NET1: variants seen among roughly 807,000 people sequenced by gnomAD.
NET1 encodes the protein neuroepithelial cell-transforming gene 1 protein.
In NET1, 42 loss-of-function variants were observed where a neutral mutation model predicts 61.1. The ratio of observed to expected loss-of-function variants is 0.69; its 90% CI spans 0.54 to 0.89. The LOEUF (loss-of-function observed/expected upper bound fraction) is 0.89, where lower values mean the gene tolerates loss of function less well. Among genes scored for constraint, NET1 ranks in the 40% least tolerant of loss-of-function variants. The probability of loss-of-function intolerance (pLI) is 0.00; values close to 1 mark genes in which losing one functional copy is unlikely to be tolerated. For missense variants in NET1, 654 were observed against 747.3 expected (o/e 0.88, Z 1.46); for synonymous variants, 254 against 281.8 (o/e 0.90, Z 0.99).
intron 1 of NET1, among the ~76,000 whole-genome samples, chr10:5,425,946 AAC>A (rs1379429580): frequency 2.6e-5 from 4 of 152,200 alleles, no homozygotes; most frequent in African/African-American, 9.6e-5. Flanking sequence ...ATATTTTATA[AAC>A]ACAGAGGTTT....
At position 5,455,258 on chromosome 10, in the gene NET1, A is replaced by G; in HGVS notation, c.1197+140A>G. The G allele has an allele frequency of 1.5e-6, 1 of 663,150 alleles. No homozygotes were observed. The highest frequency in any genetic ancestry group is 2.6e-6 in the Non-Finnish European group (1 of 390,324). 41.1% of individuals were successfully genotyped at this position (663,150 alleles called of 1,614,324 possible). ...TTGCCAATTTTAATTTTATATTACC[A>G]GCTTGATAAAGCCAACAAAGAAGAT... On this transcript the variant is annotated intron_variant, in intron 10 of 11. Transcript: ENST00000355029. The surrounding 1 kb of genome is among the most constrained non-coding windows in gnomAD (Gnocchi z 6.5).
Position 5,427,759 on chromosome 10 carries a change from G to A in NET1, c.195+1038G>A, listed in dbSNP as rs1832280410. Among the ~76,000 whole-genome samples the A allele has an allele frequency of 6.6e-6, 1 of 152,074 alleles. No homozygotes were observed. Among genetic ancestry groups the A allele is most frequent in the Non-Finnish European group, 1.5e-5 (1 of 68,008 alleles). On this transcript the variant is annotated intron_variant, in intron 2 of 11. Coordinates refer to ENST00000355029, the MANE Select transcript of NET1 (RefSeq NM_001047160.3). This position sits in a 1 kb window ranked among gnomAD's most constrained non-coding sequence, Gnocchi z 4.1. ...AAACAGTGTGTTATAATTTTGCTCT[G>A]CTGCTTTGAGCATTTCCTCCTGGTG...
rs1430517094 is a variant in NET1 at position 5,440,171 on chromosome 10, G to T, written c.255+10942G>T. 6.6e-6 allele frequency among the ~76,000 whole-genome samples: 1 copy of T among 152,340 alleles called. No individual in the cohort carries two copies. The highest frequency in any genetic ancestry group is 2.1e-4 in the South Asian group (1 of 4,830). On this transcript the variant is annotated intron_variant, in intron 3 of 11. Coordinates refer to ENST00000355029, the MANE Select transcript of NET1 (RefSeq NM_001047160.3). This position sits in a 1 kb window ranked among gnomAD's most constrained non-coding sequence, Gnocchi z 4.1. Reference sequence around the variant, plus strand: ...ATAATGTTATTAATACAGTGGGCCTGTATGATGTTCTGTGAAATATCCGGT... The same window carrying T: ...ATAATGTTATTAATACAGTGGGCCTTTATGATGTTCTGTGAAATATCCGGT...
At position 5,456,712 on chromosome 10, in the gene NET1, C is replaced by T; in HGVS notation, c.1509C>T (p.Phe503=). ...GTATTCGAGCGGCCATTGCCCCCTT[C>T]CAGTCGGCAGGCAGTCCACCTGAGC... ...FNCIRAAIAP[F]QSAGSPPELQ... is the part of the protein sequence containing the mutation. The change falls in exon 12 of 12, where the codon TTC becomes TTT. Residue 503 remains phenylalanine (F), a synonymous_variant. Transcript: ENST00000355029. The surrounding 1 kb of genome is among the most constrained non-coding windows in gnomAD (Gnocchi z 7.0). 6.2e-7 allele frequency: 1 copy of T among 1,614,196 alleles called. No homozygotes were observed. Among genetic ancestry groups the T allele is most frequent in the Non-Finnish European group, 8.5e-7 (1 of 1,180,026 alleles).
chr10:5,430,678 C>G (rs1832334655), intron 3 of NET1, among the ~76,000 whole-genome samples: 1 of 151,828 alleles, frequency 6.6e-6, no homozygotes, highest in Non-Finnish European at 1.5e-5. Flanking sequence ...TTTTTAAAAA[C>G]ATAATAAAAT....
intron 3 of NET1, among the ~76,000 whole-genome samples, chr10:5,450,358 G>A (rs1454218593): frequency 6.6e-6 from 1 of 151,600 alleles, no homozygotes; most frequent in African/African-American, 2.4e-5. Flanking sequence ...TGTTTCTTTG[G>A]ATATTCAAAT....
At chr10:5,419,864 GT>G (rs1832143246) in intron 1 of NET1, among the ~76,000 whole-genome samples, 2 of 145,724 alleles carry the variant, frequency 1.4e-5, no homozygotes, top group Admixed American at 1.4e-4. Flanking sequence ...GTCTTCCATT[GT>G]TTCTGTTAAG....
Position 5,454,194 on chromosome 10 carries a change from T to C in NET1, c.769-71T>C, listed in dbSNP as rs1832758106. 1 of 1,468,868 alleles carries C rather than the reference T, an allele frequency of 6.8e-7. No homozygotes were observed. The highest frequency in any genetic ancestry group is 2.2e-5 in the Admixed American group (1 of 45,760). 91.0% of individuals were successfully genotyped at this position (1,468,868 alleles called of 1,614,324 possible). ...GAATAGCTGTACATTTTGTGTTTCA[T>C]GTTTGCAGGCTTGTTAATGCACTCG... On this transcript the variant is annotated intron_variant, in intron 8 of 11. Coordinates refer to ENST00000355029, the MANE Select transcript of NET1 (RefSeq NM_001047160.3). This position sits in a 1 kb window ranked among gnomAD's most constrained non-coding sequence, Gnocchi z 8.1.
rs1564462808 is a variant in NET1 at position 5,436,244 on chromosome 10, ATATATTTTTT to A, written c.255+7017_255+7026del. Among the ~76,000 whole-genome samples, 10 of 22,460 alleles carry A rather than the reference ATATATTTTTT, an allele frequency of 4.5e-4. 1 individual carries two copies. Among genetic ancestry groups the A allele is most frequent in the Admixed American group, 3.7e-3 (5 of 1,350 alleles). The allele number at this position is 22,460 out of a possible 152,430, so 14.7% of individuals were successfully genotyped here. A position where few individuals can be genotyped will look rare whatever the true frequency, so the allele number is the denominator to read the frequency against. On this transcript the variant is annotated intron_variant, in intron 3 of 11. Transcript: ENST00000355029. Reference sequence around the variant, plus strand: ...TGTGTGCATATATATATATATATATATATATTTTTTTTTTTTTTTTTTTTTTTTTTTAATG... The same window carrying A: ...TGTGTGCATATATATATATATATATATTTTTTTTTTTTTTTTTTTTTAATG...
chr10:5,428,038 C>CTTTTTTTTTT (rs57698527), intron 2 of NET1, among the ~76,000 whole-genome samples: 5 of 113,904 alleles, frequency 4.4e-5, no homozygotes, highest in African/African-American at 1.7e-4. Context: ...TTTGCCGTTC[C>CTTTTTTTTTT]TTTTTTTTTT....
rs2119223009 is a variant in NET1 at position 5,458,523 on chromosome 10, T to A, written c.*1529T>A. On this transcript the variant is annotated 3_prime_UTR_variant, in exon 12 of 12. Transcript: ENST00000355029. This position sits in a 1 kb window ranked among gnomAD's most constrained non-coding sequence, Gnocchi z 4.5. ...GGGGGCATTTGGCAAAATATGCTGG[T>A]GTGGCAAAGGAGGTAGTGGTAAGCC... The A allele has an allele frequency of 6.6e-6, 1 of 152,548 alleles. No homozygotes were observed. The highest frequency in any genetic ancestry group is 2.1e-4 in the South Asian group (1 of 4,816). 9.4% of individuals were successfully genotyped at this position (152,548 alleles called of 1,614,324 possible).
rs951758821 is a variant in NET1, at chr10:5,422,778, C to T, written c.129-3877C>T. ...GTCAGAAGTGGAAGAAGAGACAACT[C>T]CTTAATAGCAAAGATGCTGAACAGC... is the stretch of plus-strand genomic sequence containing the variant. On this transcript the variant is annotated intron_variant, in intron 1 of 11. Coordinates refer to ENST00000355029, the MANE Select transcript of NET1 (RefSeq NM_001047160.3). The surrounding 1 kb of genome is among the most constrained non-coding windows in gnomAD (Gnocchi z 4.1). Among the ~76,000 whole-genome samples the T allele has an allele frequency of 1.3e-5, 2 of 152,172 alleles. No individual in the cohort carries two copies. The highest frequency in any genetic ancestry group is 1.3e-4 in the Admixed American group (2 of 15,278).
intron 3 of NET1, among the ~76,000 whole-genome samples, chr10:5,448,270 C>G (rs1286427059): frequency 6.6e-6 from 1 of 152,138 alleles, no homozygotes; most frequent in Non-Finnish European, 1.5e-5. Context: ...GAAGAAAAAG[C>G]CTTTCTACAG....
rs1832750841 is a variant in NET1 at position 5,453,874 on chromosome 10, TGAG to T, written c.768+321_768+323del. Among the ~76,000 whole-genome samples, 1 of 152,146 alleles carries T rather than the reference TGAG, an allele frequency of 6.6e-6. No individual in the cohort carries two copies. The highest frequency in any genetic ancestry group is 1.5e-5 in the Non-Finnish European group (1 of 68,030). On this transcript the variant is annotated intron_variant, in intron 8 of 11. Coordinates refer to ENST00000355029, the MANE Select transcript of NET1 (RefSeq NM_001047160.3). The surrounding 1 kb of genome is among the most constrained non-coding windows in gnomAD (Gnocchi z 4.9). ...CGCATGCCAAATGCGGGGCACTGTTTGAGGAGGAGTCGCTGGGAGTCAGTGATG... is the reference window on the plus strand; with the variant it reads ...CGCATGCCAAATGCGGGGCACTGTTTGAGGAGTCGCTGGGAGTCAGTGATG...
chr10:5,432,564 TA>T (rs60035089), intron 3 of NET1, among the ~76,000 whole-genome samples: 2,556 of 150,330 alleles, frequency 0.017, 87 homozygotes, highest in African/African-American at 0.059. Context: ...ATTTGGTTTT[TA>T]AAAAAAATTT....
At position 5,420,909 on chromosome 10, in the gene NET1, A is replaced by G. The variant is rs1419824210; in HGVS notation, c.129-5746A>G. 6.6e-6 allele frequency among the ~76,000 whole-genome samples: 1 copy of G among 152,098 alleles called. No individual in the cohort carries two copies. Among genetic ancestry groups the G allele is most frequent in the African/African-American group, 2.4e-5 (1 of 41,422 alleles). On this transcript the variant is annotated intron_variant, in intron 1 of 11. Coordinates refer to ENST00000355029, the MANE Select transcript of NET1 (RefSeq NM_001047160.3). This position sits in a 1 kb window ranked among gnomAD's most constrained non-coding sequence, Gnocchi z 5.3. ...GTGCCCGGCCAGCAAGGGTCTTTCT[A>G]AAGAACCCTAGGTTATACTACATGA... is the stretch of plus-strand genomic sequence containing the variant.
At position 5,455,605 on chromosome 10, in the gene NET1, T is replaced by G. The variant is rs1832783573; in HGVS notation, c.1198-482T>G. 6.6e-6 allele frequency among the ~76,000 whole-genome samples: 1 copy of G among 152,330 alleles called. No homozygotes were observed. Among genetic ancestry groups the G allele is most frequent in the South Asian group, 2.1e-4 (1 of 4,822 alleles). On this transcript the variant is annotated intron_variant, in intron 10 of 11. Transcript: ENST00000355029. This position sits in a 1 kb window ranked among gnomAD's most constrained non-coding sequence, Gnocchi z 6.5. Reference sequence around the variant, plus strand: ...CATCATGCATTTTCAAAAGCCCAATTTATAAGTTGGAGTTTTGTTTAAAAA... The same window carrying G: ...CATCATGCATTTTCAAAAGCCCAATGTATAAGTTGGAGTTTTGTTTAAAAA...
At chr10:5,432,882 G>A (rs1325279569) in intron 3 of NET1, among the ~76,000 whole-genome samples, 1 of 151,826 alleles carries the variant, frequency 6.6e-6, no homozygotes, top group Admixed American at 6.6e-5. Flanking sequence ...TGATATTTAG[G>A]TAGGTTTGTG....
At position 5,423,166 on chromosome 10, in the gene NET1, A is replaced by AT. The variant is rs1343387299; in HGVS notation, c.129-3483dup. On this transcript the variant is annotated intron_variant, in intron 1 of 11. Coordinates refer to ENST00000355029, the MANE Select transcript of NET1 (RefSeq NM_001047160.3). The surrounding 1 kb of genome is among the most constrained non-coding windows in gnomAD (Gnocchi z 4.4). Reference sequence around the variant, plus strand: ...TGAAACTCGTTTTCATTCTACATCCATTTTTTATGGTGAATGCATCTTGAG... The same window carrying AT: ...TGAAACTCGTTTTCATTCTACATCCATTTTTTTATGGTGAATGCATCTTGAG... Among the ~76,000 whole-genome samples, 1 of 152,122 alleles carries AT rather than the reference A, an allele frequency of 6.6e-6. No homozygotes were observed. Among genetic ancestry groups the AT allele is most frequent in the Non-Finnish European group, 1.5e-5 (1 of 68,000 alleles).
Sources: allele counts gnomAD v4.1 joint callset (sites outside exome capture counted in the v4.1 genomes callset), GRCh38; gene constraint gnomAD v4.1.1; non-coding constraint Gnocchi (gnomAD v3.1); transcripts MANE v1.5; gene names NCBI Gene and HGNC (gene_info 2026-07-23, HGNC 2026-07-21).